DNAH6: variants seen among roughly 807,000 people sequenced by gnomAD.
DNAH6 encodes dynein axonemal heavy chain 6.
DNAH6 carries 340 observed loss-of-function variants against 491.4 expected under a neutral mutation model. The ratio of observed to expected loss-of-function variants is 0.69; its 90% CI spans 0.63 to 0.76. DNAH6 has a LOEUF of 0.76. Ranked by LOEUF, DNAH6 falls within the 30% of genes least tolerant of loss-of-function variation. DNAH6 has a pLI of 0.00. For synonymous variants in DNAH6, 1,603 were observed against 1,686.1 expected (o/e 0.95, Z 1.21); for missense variants, 4,443 against 4,972.2 (o/e 0.89, Z 3.20).
rs778546712 is a variant in DNAH6, at chr2:84,812,490, G to A, written c.11889G>A (p.Trp3963Ter). 2 of 1,551,560 alleles carry A rather than the reference G, an allele frequency of 1.3e-6. No individual in the cohort carries two copies. The highest frequency in any genetic ancestry group is 1.7e-6 in the Non-Finnish European group (2 of 1,146,982). The change falls in exon 73 of 77, where the codon TGG (tryptophan) becomes TGA (stop). Residue 3963 changes from tryptophan (W) to a stop codon, truncating the protein, a stop_gained. Coordinates refer to ENST00000389394, the MANE Select transcript of DNAH6 (RefSeq NM_001370.2). LOFTEE classifies it high-confidence loss of function. ...CATCCCTGAAGCCACTAGGATCATG[G>A]GTCAAAGACCTTATCCTGAGGACCT... ...AYPSLKPLGS[W>*]VKDLILRTSF...
intron 62 of DNAH6, among the ~76,000 whole-genome samples, chr2:84,740,105 A>G (rs972929497): frequency 6.6e-6 from 1 of 150,498 alleles, no homozygotes; most frequent in African/African-American, 2.5e-5. Context: ...TATATTGTGT[A>G]TGATTAATTG....
intron 7 of DNAH6, 76 bp from the exon 8 acceptor site, chr2:84,548,212 T>A (rs1463154856): frequency 2.1e-6 from 3 of 1,434,864 alleles, no homozygotes; most frequent in African/African-American, 2.9e-5. Flanking sequence ...TTTGTTTATC[T>A]TTTCTTTGAA....
chr2:84,799,565 A>G (rs771792566), intron 70 of DNAH6, among the ~76,000 whole-genome samples: 1 of 152,252 alleles, frequency 6.6e-6, no homozygotes, highest in Non-Finnish European at 1.5e-5. Context: ...TAACCTGTCC[A>G]GGGAGTCTCC....
intron 11 of DNAH6, among the ~76,000 whole-genome samples, chr2:84,571,064 A>G (rs1185952678): frequency 6.6e-6 from 1 of 152,228 alleles, no homozygotes; most frequent in Non-Finnish European, 1.5e-5. Flanking sequence ...ACACGCTGGG[A>G]CAATTTGATC....
intron 64 of DNAH6, among the ~76,000 whole-genome samples, chr2:84,776,472 A>G (rs1366113575): frequency 1.3e-5 from 2 of 152,226 alleles, no homozygotes; most frequent in Non-Finnish European, 2.9e-5. Flanking sequence ...CTTTGATCAC[A>G]GATCAGATAA....
chr2:84,654,603 G>A, intron 34 of DNAH6, 57 bp from the exon 35 acceptor site: 2 of 1,541,478 alleles, frequency 1.3e-6, no homozygotes, highest in Non-Finnish European at 1.8e-6. Context: ...CATTGAAGTT[G>A]GAGAAATAAG....
chr2:84,546,743 T>C (rs569942901), intron 5 of DNAH6, among the ~76,000 whole-genome samples: 98 of 152,364 alleles, frequency 6.4e-4, no homozygotes, highest in African/African-American at 1.9e-3. Flanking sequence ...GTTTTCATTT[T>C]TCTTTGGCAC....
rs1198925939 is a variant in DNAH6 at position 84,683,427 on chromosome 2, T to TTTTA, written c.6917-1896_6917-1895insATTT. Among the ~76,000 whole-genome samples, 170 of 146,894 alleles carry TTTTA rather than the reference T, an allele frequency of 1.2e-3. 1 individual carries two copies. The highest frequency in any genetic ancestry group is 4.0e-3 in the Admixed American group (59 of 14,780). On this transcript the variant is annotated intron_variant, in intron 42 of 76. Coordinates refer to ENST00000389394, the MANE Select transcript of DNAH6 (RefSeq NM_001370.2). The stretch of plus-strand genomic sequence containing the variant: ...CACCACTCTTATTTTTTTTTTTTTT[T>TTTTA]TTTTTTTTTTTTGAGATAGAGTTTC...
intron 29 of DNAH6, 21 bp from the exon 30 acceptor site, chr2:84,634,483 A>G: frequency 1.3e-6 from 2 of 1,514,474 alleles, no homozygotes; most frequent in Non-Finnish European, 1.8e-6. Context: ...ACAAAGTTGA[A>G]CTGCTTTATT....
chr2:84,819,452 T>C lies in DNAH6; in HGVS notation c.*44T>C. On this transcript the variant is annotated 3_prime_UTR_variant, in exon 77 of 77. Coordinates refer to ENST00000389394, the MANE Select transcript of DNAH6 (RefSeq NM_001370.2). ...CTGAAAAAGAACCAGGCCAGAGATC[T>C]TTCCTAATGGGAGCAAAAGGTTTGA... 1 of 1,294,936 alleles carries C rather than the reference T, an allele frequency of 7.7e-7. No homozygotes were observed. Among genetic ancestry groups the C allele is most frequent in the Non-Finnish European group, 1.1e-6 (1 of 928,366 alleles). 80.2% of individuals were successfully genotyped at this position (1,294,936 alleles called of 1,614,324 possible).
At chr2:84,477,749 T>C in the DNAH6 span, among the ~76,000 whole-genome samples, 3 of 152,080 alleles carry the variant, frequency 2.0e-5, no homozygotes, top group African/African-American at 4.8e-5. Context: ...TGAATATTTG[T>C]GAGGAGAGAG....
At chr2:84,669,605 G>T (rs959350476) in intron 38 of DNAH6, 95 bp downstream of exon 38, 4 of 1,121,180 alleles carry the variant, frequency 3.6e-6, no homozygotes, top group Admixed American at 2.1e-5. Flanking sequence ...ATTTCTGAGA[G>T]GAATTTTGTT....
chr2:84,477,006 T>C, the DNAH6 span, among the ~76,000 whole-genome samples: 1 of 152,212 alleles, frequency 6.6e-6, no homozygotes, highest in African/African-American at 2.4e-5. Context: ...CACTGGGGTC[T>C]TTGTCGCCCC....
At chr2:84,638,000 T>C (rs1689034341) in intron 31 of DNAH6, among the ~76,000 whole-genome samples, 1 of 151,974 alleles carries the variant, frequency 6.6e-6, no homozygotes, top group Non-Finnish European at 1.5e-5. Context: ...GAGACCAAAG[T>C]GGGAGGATCG....
chr2:84,606,485 G>C (rs1685782721), intron 20 of DNAH6, among the ~76,000 whole-genome samples: 1 of 152,156 alleles, frequency 6.6e-6, no homozygotes, highest in African/African-American at 2.4e-5. Flanking sequence ...TAGTAGGGGA[G>C]GGAGGTGGAG....
intron 18 of DNAH6, among the ~76,000 whole-genome samples, chr2:84,601,833 A>T (rs992586115): frequency 9.3e-5 from 14 of 151,324 alleles, no homozygotes; most frequent in Admixed American, 9.2e-4. Flanking sequence ...TTATGATTCC[A>T]TTTTATCTTC....
intron 9 of DNAH6, among the ~76,000 whole-genome samples, 174 bp from the exon 10 acceptor site, chr2:84,552,744 A>G (rs910165427): frequency 6.6e-6 from 1 of 152,110 alleles, no homozygotes; most frequent in African/African-American, 2.4e-5. Flanking sequence ...TAGTCTTTCA[A>G]TATTTGCCTT....
At chr2:84,579,392 GAA>G in intron 13 of DNAH6, 133 bp from the exon 14 acceptor site, 1 of 940,722 alleles carries the variant, frequency 1.1e-6, no homozygotes, top group Non-Finnish European at 1.6e-6. Context: ...GATTTAAAGA[GAA>G]AAAAAGTCTC....
intron 4 of DNAH6, among the ~76,000 whole-genome samples, chr2:84,532,387 A>G (rs1450550419): frequency 6.6e-6 from 1 of 152,166 alleles, no homozygotes; most frequent in Non-Finnish European, 1.5e-5. Context: ...TTGAACTCCA[A>G]ATATCATAAA....
Sources: gnomAD v4.1 joint callset for allele counts (sites outside exome capture counted in the v4.1 genomes callset) on GRCh38, gnomAD v4.1.1 for gene constraint, MANE v1.5 for transcripts, NCBI Gene and HGNC (gene_info 2026-07-23, HGNC 2026-07-21) for gene names.